SLC7A5: variants seen among roughly 807,000 people sequenced by gnomAD.
SLC7A5 encodes the protein large neutral amino acids transporter small subunit 1.
A neutral mutation model predicts 50.2 loss-of-function variants in SLC7A5; 23 were observed. The observed-to-expected ratio is 0.46, with a 90% CI of 0.33 to 0.65. SLC7A5 has a LOEUF of 0.65. SLC7A5 is among the 30% of genes least tolerant of loss of function. The pLI is 0.02. For missense variants in SLC7A5, 578 were observed against 684.4 expected, an observed-to-expected ratio of 0.84 and a Z score of 1.73; for synonymous variants, 393 against 330.6, an observed-to-expected ratio of 1.19 and a Z score of -2.05.
At chr16:87,863,992 T>TATATATAC (rs1567503001) in intron 1 of SLC7A5, among the ~76,000 whole-genome samples, 3 of 128,254 alleles carry the variant, frequency 2.3e-5, no homozygotes, top group African/African-American at 8.5e-5. Context: ...TAAAAATATA[T>TATATATAC]ATATATATAT....
Position 87,865,784 on chromosome 16 carries a change from G to T in SLC7A5, c.538+3101C>A, listed in dbSNP as rs189100735. Reference sequence around the variant, plus strand: ...CCACAAAATAAATCCAGGAACGCGTGACTTGGTACAGCCTCTTTGGAAGGC... The same window carrying T: ...CCACAAAATAAATCCAGGAACGCGTTACTTGGTACAGCCTCTTTGGAAGGC... On this transcript the variant is annotated intron_variant, in intron 1 of 9. Transcript: ENST00000261622. 1.8e-4 allele frequency among the ~76,000 whole-genome samples: 28 copies of T among 152,210 alleles called. 1 individual carries two copies. The highest frequency in any genetic ancestry group is 6.7e-4 in the African/African-American group (28 of 41,518).
At chr16:87,844,803 C>G (rs1423001029) in intron 2 of SLC7A5, among the ~76,000 whole-genome samples, 1 of 152,080 alleles carries the variant, frequency 6.6e-6, no homozygotes, top group South Asian at 2.1e-4. Flanking sequence ...TCCAACCACT[C>G]TGGCCCCTTG....
intron 6 of SLC7A5, among the ~76,000 whole-genome samples, chr16:87,838,291 C>CTTTT (rs58144270): frequency 4.2e-5 from 5 of 120,066 alleles, no homozygotes; most frequent in Non-Finnish European, 6.8e-5. Context: ...TTGCTGCTGC[C>CTTTT]TTTTTTTTTT....
chr16:87,846,169 G>A (rs1187505352), intron 2 of SLC7A5, among the ~76,000 whole-genome samples: 2 of 152,192 alleles, frequency 1.3e-5, no homozygotes, highest in East Asian at 1.9e-4. Flanking sequence ...AGCCACACTC[G>A]AGCCTGGCAC....
intron 8 of SLC7A5, 23 bp downstream of exon 8, chr16:87,836,475 T>A: frequency 6.2e-7 from 1 of 1,606,074 alleles, no homozygotes; most frequent in Non-Finnish European, 8.5e-7. Flanking sequence ...GGTGCCTGGG[T>A]GAGCGGGAGG....
Position 87,841,113 on chromosome 16 carries a change from G to A in SLC7A5, c.707C>T (p.Thr236Ile), listed in dbSNP as rs1345799886. Residue 236 changes from threonine (T) to isoleucine (I), a missense_variant, in exon 3 of 10, where the codon ACC becomes ATC. Transcript: ENST00000261622. The surrounding 1 kb of genome is among the most constrained non-coding windows in gnomAD (Gnocchi z 4.8). ...CACAATGTTCCCCACATCCAGTTTG[G>A]TGCCTTCAAATGAGAAGTTGGGATC... is the stretch of plus-strand genomic sequence containing the variant. The part of the protein sequence containing the change: ...NLDPNFSFEG[T>I]KLDVGNIVLA... The A allele has an allele frequency of 5.0e-6, 8 of 1,613,924 alleles. No individual in the cohort carries two copies. The highest frequency in any genetic ancestry group is 6.8e-6 in the Non-Finnish European group (8 of 1,179,926).
chr16:87,833,096 C>G lies in SLC7A5; in HGVS notation c.1469-71G>C, dbSNP rs1261978688. On this transcript the variant is annotated intron_variant, in intron 9 of 9. Coordinates refer to ENST00000261622, the MANE Select transcript of SLC7A5 (RefSeq NM_003486.7). This position sits in a 1 kb window ranked among gnomAD's most constrained non-coding sequence, Gnocchi z 6.0. Reference sequence around the variant, plus strand: ...CACCCGTGGGACACGGGGGCGTGAGCTGGGGCTCCCCCAGCCCTGCTGTCA... The same window carrying G: ...CACCCGTGGGACACGGGGGCGTGAGGTGGGGCTCCCCCAGCCCTGCTGTCA... 4 of 1,305,710 alleles carry G rather than the reference C, an allele frequency of 3.1e-6. No homozygotes were observed. The Admixed American group carries it at 5.0e-5, about 16-fold the overall frequency. 80.9% of individuals were successfully genotyped at this position (1,305,710 alleles called of 1,614,324 possible).
At chr16:87,857,316 G>A (rs1406114733) in intron 1 of SLC7A5, among the ~76,000 whole-genome samples, 1 of 152,060 alleles carries the variant, frequency 6.6e-6, no homozygotes, top group Non-Finnish European at 1.5e-5. Flanking sequence ...TCCGCCTCCT[G>A]AGTTCAAGCC....
intron 2 of SLC7A5, among the ~76,000 whole-genome samples, chr16:87,846,172 C>A (rs2055152000): frequency 6.6e-6 from 1 of 152,208 alleles, no homozygotes; most frequent in Non-Finnish European, 1.5e-5. Flanking sequence ...CACACTCGAG[C>A]CTGGCACCAA....
intron 2 of SLC7A5, among the ~76,000 whole-genome samples, chr16:87,848,942 G>A (rs2055186642): frequency 6.6e-6 from 1 of 152,250 alleles, no homozygotes; most frequent in Non-Finnish European, 1.5e-5. Context: ...CAGGACCCTA[G>A]GGCCAGTGCC....
Position 87,841,193 on chromosome 16 carries a change from C to A in SLC7A5, c.665-38G>T, listed in dbSNP as rs1271198566. 4.4e-6 allele frequency: 6 copies of A among 1,360,676 alleles called. No individual in the cohort carries two copies. The highest frequency in any genetic ancestry group is 6.3e-6 in the Non-Finnish European group (6 of 949,280). 84.3% of individuals were successfully genotyped at this position (1,360,676 alleles called of 1,614,324 possible). On this transcript the variant is annotated intron_variant, in intron 2 of 9. Transcript: ENST00000261622. This position sits in a 1 kb window ranked among gnomAD's most constrained non-coding sequence, Gnocchi z 4.8. ...AAGAAAGGAATGCTGGGTTAGAGAG[C>A]GCTGAACAGAGGTCATGCTACCAGT...
In SLC7A5 at chr16:87,838,852, G is replaced by A. The variant is rs539927707; in HGVS notation, c.940-35C>T. ...CACAACCAGTGAGCTGGGCCCCACC[G>A]GGCCGGCCCTCGCCCTCCCTGTGCT... is the stretch of plus-strand genomic sequence containing the variant. On this transcript the variant is annotated intron_variant, in intron 5 of 9. Coordinates refer to ENST00000261622, the MANE Select transcript of SLC7A5 (RefSeq NM_003486.7). The A allele has an allele frequency of 4.1e-5, 63 of 1,545,630 alleles. No individual in the cohort carries two copies. The Middle Eastern group carries it at 6.9e-4, about 17-fold the overall frequency.
rs1408010712 is a variant in SLC7A5, at chr16:87,861,265, G to A, written c.538+7620C>T. Among the ~76,000 whole-genome samples the A allele has an allele frequency of 3.3e-5, 5 of 152,150 alleles. No individual in the cohort carries two copies. Among genetic ancestry groups the A allele is most frequent in the African/African-American group, 1.2e-4 (5 of 41,424 alleles). ...GAGTCTGGGAAGGATGGAGAAGGGT[G>A]GAGGAGCGCAAAGGGCCCCTAGGGG... On this transcript the variant is annotated intron_variant, in intron 1 of 9. Transcript: ENST00000261622. This position sits in a 1 kb window ranked among gnomAD's most constrained non-coding sequence, Gnocchi z 4.2.
rs1275936853 is a variant in SLC7A5 at position 87,860,695 on chromosome 16, A to G, written c.538+8190T>C. Among the ~76,000 whole-genome samples, 2 of 152,182 alleles carry G rather than the reference A, an allele frequency of 1.3e-5. No homozygotes were observed. Among genetic ancestry groups the G allele is most frequent in the Non-Finnish European group, 2.9e-5 (2 of 68,026 alleles). On this transcript the variant is annotated intron_variant, in intron 1 of 9. Transcript: ENST00000261622. The surrounding 1 kb of genome is among the most constrained non-coding windows in gnomAD (Gnocchi z 4.8). ...TCGTTAACAAGCAGCTCACACATACAGTGTCTCAGTAGTGACAGATGCTGG... is the reference window on the plus strand; with the variant it reads ...TCGTTAACAAGCAGCTCACACATACGGTGTCTCAGTAGTGACAGATGCTGG...
intron 2 of SLC7A5, among the ~76,000 whole-genome samples, chr16:87,843,820 C>A (rs1167088765): frequency 6.6e-6 from 1 of 152,284 alleles, no homozygotes; most frequent in East Asian, 1.9e-4. Context: ...GGCTGAGGCC[C>A]TGTGCAAGAA....
Position 87,869,258 on chromosome 16 carries a change from G to C in SLC7A5, c.165C>G (p.Gly55=). The part of the protein sequence containing the change: ...TLQRNITLLN[G]VAIIVGTIIG... The stretch of plus-strand genomic sequence containing the variant: ...TAATGGTCCCCACGATGATGGCCAC[G>C]CCGTTGAGCAGCGTGATGTTCCGCT... The change falls in exon 1 of 10, where the codon GGC becomes GGG. Residue 55 remains glycine, a synonymous_variant. Transcript: ENST00000261622. 1.2e-6 allele frequency: 2 copies of C among 1,612,620 alleles called. No individual in the cohort carries two copies. The highest frequency in any genetic ancestry group is 2.2e-5 in the South Asian group (2 of 91,056).
At chr16:87,848,998 G>A (rs1413138339) in intron 2 of SLC7A5, among the ~76,000 whole-genome samples, 1 of 152,256 alleles carries the variant, frequency 6.6e-6, no homozygotes, top group African/African-American at 2.4e-5. Flanking sequence ...CAGCAAGGAG[G>A]AGCCTTTTCA....
At position 87,832,411 on chromosome 16, in the gene SLC7A5, C is replaced by T. The variant is rs1263255318; in HGVS notation, c.*559G>A. ...ATCCCCCACCCCCTCCCAGTGCCAC[C>T]CTACGGCTGAGTTTCCACTCTGCAA... is the stretch of plus-strand genomic sequence containing the variant. On this transcript the variant is annotated 3_prime_UTR_variant, in exon 10 of 10. Transcript: ENST00000261622. This position sits in a 1 kb window ranked among gnomAD's most constrained non-coding sequence, Gnocchi z 4.6. 6.6e-6 allele frequency: 1 copy of T among 152,290 alleles called. No individual in the cohort carries two copies. Among genetic ancestry groups the T allele is most frequent in the Admixed American group, 6.5e-5 (1 of 15,290 alleles). 9.4% of individuals were successfully genotyped at this position (152,290 alleles called of 1,614,324 possible). A position where few individuals can be genotyped will look rare whatever the true frequency, so the allele number is the denominator to read the frequency against.
intron 6 of SLC7A5, 44 bp from the exon 7 acceptor site, chr16:87,837,985 C>T (rs1470210997): frequency 6.9e-7 from 1 of 1,440,248 alleles, no homozygotes; most frequent in Non-Finnish European, 9.6e-7. Flanking sequence ...CGCCCCACAA[C>T]TCAGCACGTG....
Sources: gnomAD v4.1 joint callset for allele counts (sites outside exome capture counted in the v4.1 genomes callset) on GRCh38, gnomAD v4.1.1 for gene constraint, Gnocchi (gnomAD v3.1) non-coding constraint, MANE v1.5 for transcripts, NCBI Gene and HGNC (gene_info 2026-07-23, HGNC 2026-07-21) for gene names.